The following MAML2 variants were observed in gnomAD, a reference collection of about 807,000 sequenced individuals.
The protein encoded by MAML2 is mastermind like transcriptional coactivator 2.
In MAML2, 22 loss-of-function variants were observed where a neutral mutation model predicts 96.1. That is an observed-to-expected ratio of 0.23 (90% CI 0.16 to 0.33). The LOEUF (loss-of-function observed/expected upper bound fraction) is 0.33, where lower values mean the gene tolerates loss of function less well. Among genes scored for constraint, MAML2 ranks in the 10% least tolerant of loss-of-function variants. The probability of loss-of-function intolerance (pLI) is 1.00; values close to 1 mark genes in which losing one functional copy is unlikely to be tolerated. For synonymous variants in MAML2, 561 were observed against 521.3 expected (o/e 1.08, Z -1.04); for missense variants, 1,367 against 1,392.4 (o/e 0.98, Z 0.29).
intron 2 of MAML2, among the ~76,000 whole-genome samples, chr11:96,036,179 A>G (rs1037012877): frequency 2.0e-5 from 3 of 152,206 alleles, no homozygotes; most frequent in African/African-American, 7.2e-5. Context: ...TGACACACAG[A>G]AAATCTCTCA....
intron 2 of MAML2, among the ~76,000 whole-genome samples, chr11:96,006,226 C>T (rs1858176106): frequency 1.3e-5 from 2 of 152,308 alleles, no homozygotes; most frequent in African/African-American, 2.4e-5. Context: ...AAGGGATGAA[C>T]TTCAAAAGAT....
intron 2 of MAML2, among the ~76,000 whole-genome samples, chr11:96,085,702 C>T (rs975176194): frequency 3.9e-5 from 6 of 152,196 alleles, no homozygotes; most frequent in African/African-American, 1.4e-4. Context: ...ATGCACAGCT[C>T]TTATTGATGG....
At chr11:95,997,819 C>T (rs566589907) in intron 2 of MAML2, among the ~76,000 whole-genome samples, 52 of 152,156 alleles carry the variant, frequency 3.4e-4, no homozygotes, top group Non-Finnish European at 6.3e-4. Flanking sequence ...ATTAGAAATT[C>T]ACTGCTCTGT....
chr11:96,264,328 T>C (rs545752535), intron 1 of MAML2, among the ~76,000 whole-genome samples: 39 of 152,312 alleles, frequency 2.6e-4, no homozygotes, highest in Non-Finnish European at 5.4e-4. Flanking sequence ...CTGGAAACCC[T>C]GACTTTTGCA....
At chr11:96,174,530 C>T (rs1225099147) in intron 1 of MAML2, among the ~76,000 whole-genome samples, 1 of 152,140 alleles carries the variant, frequency 6.6e-6, no homozygotes, top group Non-Finnish European at 1.5e-5. Context: ...ATTACAGGCA[C>T]CCGCCGCCAT....
Position 95,989,672 on chromosome 11 carries a change from G to A in MAML2, c.2343+1848C>T, listed in dbSNP as rs199538766. 2.2e-4 allele frequency among the ~76,000 whole-genome samples: 33 copies of A among 151,958 alleles called. No homozygotes were observed. The East Asian group carries it at 4.5e-3, about 20-fold the overall frequency. ...AATGGGAGGGGAAGGGAACAGGGGG[G>A]AGGACTGGAGTTTTCAAAACTATGA... On this transcript the variant is annotated intron_variant, in intron 3 of 4. Transcript: ENST00000524717.
chr11:96,198,306 T>C (rs1861760325), intron 1 of MAML2, among the ~76,000 whole-genome samples: 1 of 152,194 alleles, frequency 6.6e-6, no homozygotes, highest in African/African-American at 2.4e-5. Context: ...ACGTGTTGCC[T>C]GAAGTTAGGC....
intron 1 of MAML2, among the ~76,000 whole-genome samples, chr11:96,336,839 T>C (rs893744507): frequency 2.0e-5 from 3 of 152,242 alleles, no homozygotes; most frequent in Admixed American, 2.0e-4. Context: ...TATTTAAAAA[T>C]GTTTACAATA....
intron 1 of MAML2, among the ~76,000 whole-genome samples, chr11:96,094,415 G>A (rs1859789889): frequency 1.3e-5 from 2 of 152,284 alleles, no homozygotes; most frequent in South Asian, 4.1e-4. Context: ...GAAGGGATGA[G>A]ATAATGCATA....
At chr11:96,319,591 A>T (rs1395752356) in intron 1 of MAML2, among the ~76,000 whole-genome samples, 1 of 152,156 alleles carries the variant, frequency 6.6e-6, no homozygotes, top group Non-Finnish European at 1.5e-5. Flanking sequence ...ATATATTTTT[A>T]TGTCTTGCTA....
In MAML2 at chr11:96,093,206, G is replaced by A. The variant is rs1180757955; in HGVS notation, c.825C>T (p.Cys275=). The part of the protein sequence containing the change: ...VKKEPGETLS[C]SKHMDGQMTQ... Reference sequence around the variant, plus strand: ...TCATTTGGCCATCCATGTGCTTACTGCAAGACAGAGTCTCTCCTGGCTCCT... The same window carrying A: ...TCATTTGGCCATCCATGTGCTTACTACAAGACAGAGTCTCTCCTGGCTCCT... The change falls in exon 2 of 5, where the codon TGC becomes TGT. Residue 275 remains cysteine, a synonymous_variant. Transcript: ENST00000524717. The A allele has an allele frequency of 6.2e-7, 1 of 1,614,006 alleles. No homozygotes were observed. Among genetic ancestry groups the A allele is most frequent in the African/African-American group, 1.3e-5 (1 of 75,030 alleles).
chr11:95,996,646 G>T (rs1857994047), intron 2 of MAML2, among the ~76,000 whole-genome samples: 1 of 152,110 alleles, frequency 6.6e-6, no homozygotes, highest in Non-Finnish European at 1.5e-5. Flanking sequence ...ATTCATGATT[G>T]AAGTAATATT....
intron 1 of MAML2, among the ~76,000 whole-genome samples, chr11:96,221,292 T>A (rs568733300): frequency 3.3e-5 from 5 of 152,284 alleles, no homozygotes; most frequent in Non-Finnish European, 1.5e-5. Flanking sequence ...AGTTTCCACC[T>A]ATTCACTTCT....
intron 1 of MAML2, among the ~76,000 whole-genome samples, chr11:96,225,556 G>A (rs957020563): frequency 3.3e-5 from 5 of 152,174 alleles, no homozygotes; most frequent in Admixed American, 6.5e-5. Flanking sequence ...CCATGGCCAG[G>A]CATGGTGGTT....
intron 1 of MAML2, among the ~76,000 whole-genome samples, chr11:96,111,388 T>C (rs774118080): frequency 6.6e-6 from 1 of 152,214 alleles, no homozygotes; most frequent in Non-Finnish European, 1.5e-5. Context: ...CATACGCAGA[T>C]GCAATTTATC....
chr11:96,075,516 C>G (rs1859420850), intron 2 of MAML2, among the ~76,000 whole-genome samples: 1 of 152,142 alleles, frequency 6.6e-6, no homozygotes, highest in Non-Finnish European at 1.5e-5. Context: ...TAACACAAGC[C>G]AATAATATTC....
intron 2 of MAML2, among the ~76,000 whole-genome samples, chr11:96,091,282 C>A (rs1859701305): frequency 6.6e-6 from 1 of 152,188 alleles, no homozygotes; most frequent in Non-Finnish European, 1.5e-5. Flanking sequence ...TGCTCTCATA[C>A]CTAGCATTGA....
chr11:96,342,683 T>C lies in MAML2; in HGVS notation c.-788A>G, dbSNP rs1354270577. 1.7e-5 allele frequency: 6 copies of C among 358,434 alleles called. No individual in the cohort carries two copies. The highest frequency in any genetic ancestry group is 9.3e-5 in the Admixed American group (2 of 21,482). 22.2% of individuals were successfully genotyped at this position (358,434 alleles called of 1,614,324 possible). ...GTAATTGGACTTTTGGACCATGCTT[T>C]TTTCTTCAGCTAATCCAATCACCGG... On this transcript the variant is annotated 5_prime_UTR_variant, in exon 1 of 5. Coordinates refer to ENST00000524717, the MANE Select transcript of MAML2 (RefSeq NM_032427.4).
intron 2 of MAML2, among the ~76,000 whole-genome samples, chr11:96,045,787 C>T (rs918025748): frequency 1.3e-5 from 2 of 152,092 alleles, no homozygotes. Context: ...TAAATCGAGA[C>T]AAACTGGTGA....
Sources: allele counts gnomAD v4.1 joint callset (sites outside exome capture counted in the v4.1 genomes callset), GRCh38; gene constraint gnomAD v4.1.1; transcripts MANE v1.5; gene names NCBI Gene and HGNC (gene_info 2026-07-23, HGNC 2026-07-21).